Variants in ZFHX4 observed in about 807,000 individuals in gnomAD.
ZFHX4 encodes zinc finger homeobox 4.
ZFHX4 carries 56 observed loss-of-function variants against 267.6 expected under a neutral mutation model. The ratio of observed to expected loss-of-function variants is 0.21; its 90% CI spans 0.17 to 0.26. The LOEUF (loss-of-function observed/expected upper bound fraction) is 0.26, where lower values mean the gene tolerates loss of function less well. Ranked by LOEUF, ZFHX4 falls within the 10% of genes least tolerant of loss-of-function variation. The pLI, the probability that ZFHX4 is intolerant of heterozygous loss-of-function variation, is 1.00. For synonymous variants in ZFHX4, 1,778 were observed against 1,665.6 expected (o/e 1.07, Z -1.64); for missense variants, 4,332 against 4,420.0 (o/e 0.98, Z 0.56).
rs1188230142 is a variant in ZFHX4 at position 76,851,018 on chromosome 8, A to G, written c.4097A>G (p.Lys1366Arg). 3 of 1,613,970 alleles carry G rather than the reference A, an allele frequency of 1.9e-6. No homozygotes were observed. The highest frequency in any genetic ancestry group is 2.5e-6 in the Non-Finnish European group (3 of 1,179,876). ...TCAGAATGGAATAAAAATAGCAGTA[A>G]GGATGTGAAAATCCCCGACACACTG... is the stretch of plus-strand genomic sequence containing the variant. ...EVSEWNKNSS[K>R]DVKIPDTLQD... Residue 1366 changes from lysine (K) to arginine (R), a missense_variant, in exon 10 of 11, where the codon AAG (lysine) becomes AGG (arginine). Lys to Arg is a conservative substitution (Grantham distance 26). Around this residue, in one of 7 missense-constraint regions of ZFHX4, gnomAD observed 1,371 missense variants for 1,423.1 expected, o/e 0.96. Transcript: ENST00000651372.
At position 76,853,724 on chromosome 8, in the gene ZFHX4, G is replaced by A. The variant is rs779118807; in HGVS notation, c.6803G>A (p.Arg2268Gln). ...TCCACTGTTCTCAATCTGCCTACCCGGGTTATTGTTGTATGGTTCCAGAAT... is the reference window on the plus strand; with the variant it reads ...TCCACTGTTCTCAATCTGCCTACCCAGGTTATTGTTGTATGGTTCCAGAAT... ...QLSTVLNLPT[R>Q]VIVVWFQNAR... is the part of the protein sequence containing the mutation. Residue 2268 changes from arginine to glutamine, a missense_variant, in exon 10 of 11, where the codon CGG (arginine) becomes CAG (glutamine). Transcript: ENST00000651372. 1.2e-6 allele frequency: 2 copies of A among 1,613,648 alleles called. No homozygotes were observed. Among genetic ancestry groups the A allele is most frequent in the South Asian group, 1.1e-5 (1 of 91,038 alleles).
intron 8 of ZFHX4, 102 bp downstream of exon 8, chr8:76,849,814 C>G (rs939916557): frequency 1.2e-5 from 15 of 1,234,892 alleles, no homozygotes; most frequent in Non-Finnish European, 1.6e-5. Flanking sequence ...TTCTTCAGAG[C>G]TAATTAAAGC....
chr8:76,805,927 C>T (rs1811233555), intron 4 of ZFHX4, among the ~76,000 whole-genome samples: 1 of 151,872 alleles, frequency 6.6e-6, no homozygotes, highest in Admixed American at 6.6e-5. Flanking sequence ...TGAAATGCAA[C>T]AAATTTATCT....
At chr8:76,806,843 C>A (rs995911801) in intron 4 of ZFHX4, among the ~76,000 whole-genome samples, 1 of 151,962 alleles carries the variant, frequency 6.6e-6, no homozygotes, top group Non-Finnish European at 1.5e-5. Context: ...TTTTTCACCT[C>A]TTTGATGTGA....
intron 1 of ZFHX4, among the ~76,000 whole-genome samples, chr8:76,697,315 G>T (rs974572721): frequency 2.0e-5 from 3 of 151,868 alleles, no homozygotes; most frequent in Admixed American, 6.5e-5. Context: ...ATGTGCACTG[G>T]TTTTTACTAG....
At chr8:76,748,089 G>A (rs1378955897) in intron 3 of ZFHX4, among the ~76,000 whole-genome samples, 2 of 152,040 alleles carry the variant, frequency 1.3e-5, no homozygotes, top group East Asian at 1.9e-4. Flanking sequence ...TTAACTACTC[G>A]TATGATGTTA....
chr8:76,727,574 A>G (rs765049754), intron 3 of ZFHX4, among the ~76,000 whole-genome samples: 1 of 152,166 alleles, frequency 6.6e-6, no homozygotes, highest in Non-Finnish European at 1.5e-5. Flanking sequence ...GAAACTTTAG[A>G]GCCTGCAGGA....
At chr8:76,725,966 C>T (rs1808841905) in intron 3 of ZFHX4, among the ~76,000 whole-genome samples, 1 of 152,088 alleles carries the variant, frequency 6.6e-6, no homozygotes, top group South Asian at 2.1e-4. Context: ...GAGGAAGCAA[C>T]TGATATGAAA....
At chr8:76,736,630 G>T (rs1809168372) in intron 3 of ZFHX4, among the ~76,000 whole-genome samples, 1 of 152,086 alleles carries the variant, frequency 6.6e-6, no homozygotes. Flanking sequence ...AACAGTCCAT[G>T]TAGTTTGGCT....
In ZFHX4 at chr8:76,855,057, C is replaced by A. The variant is rs1241819620; in HGVS notation, c.8136C>A (p.Ser2712Arg). 6.2e-7 allele frequency: 1 copy of A among 1,613,754 alleles called. No homozygotes were observed. The highest frequency in any genetic ancestry group is 1.7e-5 in the Admixed American group (1 of 59,994). ...GKQAGYSLPP[S>R]PLISTEDGGE... ...AGGCAGGTTACAGCTTGCCACCAAG[C>A]CCTTTAATATCCACCGAAGATGGGG... The change falls in exon 10 of 11, where the codon AGC becomes AGA. Residue 2712 changes from serine to arginine, a missense_variant. Coordinates refer to ENST00000651372, the MANE Select transcript of ZFHX4 (RefSeq NM_024721.5).
chr8:76,722,049 A>T (rs2131640981), intron 3 of ZFHX4, among the ~76,000 whole-genome samples: 1 of 152,054 alleles, frequency 6.6e-6, no homozygotes, highest in South Asian at 2.1e-4. Flanking sequence ...TTGCTATTTC[A>T]GGCCTAATCC....
chr8:76,814,865 G>A (rs1443506193), intron 4 of ZFHX4, among the ~76,000 whole-genome samples: 2 of 152,114 alleles, frequency 1.3e-5, no homozygotes, highest in Non-Finnish European at 2.9e-5. Flanking sequence ...GACTGTAGTA[G>A]TATCCAGAGT....
intron 3 of ZFHX4, among the ~76,000 whole-genome samples, chr8:76,736,576 G>T (rs935925547): frequency 6.8e-6 from 1 of 146,760 alleles, no homozygotes; most frequent in African/African-American, 2.7e-5. Context: ...CAGAAACAAA[G>T]AATCTTTTTA....
intron 3 of ZFHX4, among the ~76,000 whole-genome samples, chr8:76,768,436 G>T (rs1325036192): frequency 1.3e-5 from 2 of 152,172 alleles, no homozygotes; most frequent in African/African-American, 4.8e-5. Context: ...TGAGGAGATG[G>T]AGGTAGTAGT....
intron 3 of ZFHX4, among the ~76,000 whole-genome samples, chr8:76,767,321 T>C (rs1327172576): frequency 6.6e-6 from 1 of 152,138 alleles, no homozygotes; most frequent in African/African-American, 2.4e-5. Flanking sequence ...GCTTCTTGTG[T>C]TAATGATGTG....
intron 4 of ZFHX4, among the ~76,000 whole-genome samples, chr8:76,824,282 A>G (rs1811729427): frequency 6.6e-6 from 1 of 152,216 alleles, no homozygotes; most frequent in African/African-American, 2.4e-5. Context: ...AAGGCATATG[A>G]TTTAGGTGAC....
chr8:76,692,770 A>G (rs1807857222), intron 1 of ZFHX4, among the ~76,000 whole-genome samples: 1 of 152,070 alleles, frequency 6.6e-6, no homozygotes, highest in African/African-American at 2.4e-5. Flanking sequence ...ATTGTTTATA[A>G]TTTTATGGGA....
chr8:76,761,445 C>T (rs977977209), intron 3 of ZFHX4, among the ~76,000 whole-genome samples: 9 of 152,194 alleles, frequency 5.9e-5, no homozygotes, highest in African/African-American at 2.2e-4. Flanking sequence ...GTGGCCATGC[C>T]TCAGCTTTTC....
In ZFHX4 at chr8:76,854,642, T is replaced by C. The variant is rs1812657008; in HGVS notation, c.7721T>C (p.Val2574Ala). The change falls in exon 10 of 11, where the codon GTT becomes GCT. Residue 2574 changes from valine to alanine, a missense_variant. Val to Ala is a moderately conservative substitution (Grantham distance 64, BLOSUM62 0). Coordinates refer to ENST00000651372, the MANE Select transcript of ZFHX4 (RefSeq NM_024721.5). ...SSSHTTAPTT[V>A]AASLKRKLDD... ...TCCCACACCACAGCCCCCACAACGG[T>C]TGCTGCTTCCCTAAAAAGGAAACTA... is the stretch of plus-strand genomic sequence containing the variant. The C allele has an allele frequency of 6.2e-7, 1 of 1,613,496 alleles. No individual in the cohort carries two copies. The highest frequency in any genetic ancestry group is 1.7e-5 in the Admixed American group (1 of 59,982).
Sources: allele counts gnomAD v4.1 joint callset (sites outside exome capture counted in the v4.1 genomes callset), GRCh38; gene constraint gnomAD v4.1.1; regional missense constraint gnomAD v4.1.1; transcripts MANE v1.5; gene names NCBI Gene and HGNC (gene_info 2026-07-23, HGNC 2026-07-21).